Variants in OSBPL2 observed in about 807,000 individuals in gnomAD.
OSBPL2 encodes the protein oxysterol-binding protein-related protein 2.
OSBPL2 carries 18 observed loss-of-function variants against 58.4 expected under a neutral mutation model. That is an observed-to-expected ratio of 0.31 (90% CI 0.21 to 0.46). OSBPL2 has a LOEUF of 0.46. Among genes scored for constraint, OSBPL2 ranks in the 20% least tolerant of loss-of-function variants. The probability of loss-of-function intolerance (pLI) is 1.00; values close to 1 mark genes in which losing one functional copy is unlikely to be tolerated. For synonymous variants in OSBPL2, 221 were observed against 234.1 expected (o/e 0.94, Z 0.51); for missense variants, 461 against 616.5 (o/e 0.75, Z 2.67).
At chr20:62,239,679 G>GA (rs1424331663) in intron 1 of OSBPL2, among the ~76,000 whole-genome samples, 1 of 152,168 alleles carries the variant, frequency 6.6e-6, no homozygotes, top group African/African-American at 2.4e-5. Flanking sequence ...GTGTGGTGAG[G>GA]ACAGCGGAGA....
At chr20:62,272,089 G>A in intron 4 of OSBPL2, 36 bp from the exon 5 acceptor site, 1 of 1,611,692 alleles carries the variant, frequency 6.2e-7, no homozygotes. Context: ...TGTCAGGAAG[G>A]CAGCAGTAAC....
intron 7 of OSBPL2, among the ~76,000 whole-genome samples, chr20:62,280,856 T>C (rs1373894468): frequency 6.6e-6 from 1 of 152,256 alleles, no homozygotes; most frequent in Non-Finnish European, 1.5e-5. Context: ...GAAAGCTTTG[T>C]AGATGCTACA....
At chr20:62,244,583 C>T (rs532662367) in intron 1 of OSBPL2, among the ~76,000 whole-genome samples, 4 of 152,356 alleles carry the variant, frequency 2.6e-5, no homozygotes, top group African/African-American at 4.8e-5. Context: ...TGTACGGAAG[C>T]GCTTGCATTC....
chr20:62,283,101 A>G (rs1007126338), intron 9 of OSBPL2, among the ~76,000 whole-genome samples: 2 of 152,094 alleles, frequency 1.3e-5, no homozygotes, highest in African/African-American at 2.4e-5. Context: ...GCCGAGGCCA[A>G]CACTCGCTGA....
At chr20:62,277,482 T>C (rs1439692214) in intron 6 of OSBPL2, among the ~76,000 whole-genome samples, 1 of 152,232 alleles carries the variant, frequency 6.6e-6, no homozygotes, top group Non-Finnish European at 1.5e-5. Flanking sequence ...ATGAGTTCAC[T>C]TCCAGATCGT....
Position 62,291,708 on chromosome 20 carries a change from G to A in OSBPL2, c.1255G>A (p.Ala419Thr). The A allele has an allele frequency of 6.2e-7, 1 of 1,613,624 alleles. No homozygotes were observed. Among genetic ancestry groups the A allele is most frequent in the East Asian group, 2.2e-5 (1 of 44,880 alleles). Residue 419 changes from alanine (A) to threonine (T), a missense_variant, in exon 13 of 14, where the codon GCC becomes ACC. Physicochemically the swap from Ala to Thr is moderately conservative, Grantham distance 58. Coordinates refer to ENST00000313733, the MANE Select transcript of OSBPL2 (RefSeq NM_144498.4). ...RGMENGNMDLASQEKERLEEK... is the reference protein window; with the variant it reads ...RGMENGNMDLTSQEKERLEEK... ...ACTGTTTGCTTGGATCCTAGATCTG[G>A]CCAGCCAGGAGAAGGAGCGGCTGGA...
intron 3 of OSBPL2, among the ~76,000 whole-genome samples, chr20:62,262,128 T>G (rs1981356133): frequency 7.1e-6 from 1 of 141,008 alleles, no homozygotes; most frequent in South Asian, 2.5e-4. Context: ...TCAGGCAGGA[T>G]GACCACATGG....
At chr20:62,292,961 C>G (rs367649862) in intron 13 of OSBPL2, among the ~76,000 whole-genome samples, 1 of 151,764 alleles carries the variant, frequency 6.6e-6, no homozygotes, top group African/African-American at 2.4e-5. Context: ...TCCGCCCCTC[C>G]GGGTTCACAC....
chr20:62,272,533 G>C (rs1181296775), intron 5 of OSBPL2, among the ~76,000 whole-genome samples: 1 of 152,222 alleles, frequency 6.6e-6, no homozygotes, highest in East Asian at 1.9e-4. Context: ...AGCTGAAGGT[G>C]GCGGTGGGCT....
chr20:62,254,684 C>G (rs1407486589), intron 1 of OSBPL2, among the ~76,000 whole-genome samples: 5 of 152,266 alleles, frequency 3.3e-5, no homozygotes, highest in Non-Finnish European at 7.3e-5. Context: ...CCCTCACCCT[C>G]AGAACTGTGC....
Position 62,286,714 on chromosome 20 carries a change from C to G in OSBPL2, c.1125+3C>G. 1.9e-6 allele frequency: 3 copies of G among 1,609,306 alleles called. No individual in the cohort carries two copies. The highest frequency in any genetic ancestry group is 2.5e-6 in the Non-Finnish European group (3 of 1,176,830). ...CCCGGCCCCCCAACTCTGCCCAGGT[C>G]TGTGTCCCTCCATGGCCTGACGTCT... On this transcript the variant is annotated splice_donor_region_variant and intron_variant, in intron 11 of 13. Transcript: ENST00000313733.
At chr20:62,258,716 C>T (rs577059385) in intron 2 of OSBPL2, among the ~76,000 whole-genome samples, 66 of 152,258 alleles carry the variant, frequency 4.3e-4, no homozygotes, top group African/African-American at 1.4e-3. Flanking sequence ...GAGTCAGAGG[C>T]TGCAGTGGCT....
At position 62,272,246 on chromosome 20, in the gene OSBPL2, T is replaced by C. The variant is rs1982112755; in HGVS notation, c.380T>C (p.Leu127Pro). 5 of 1,612,856 alleles carry C rather than the reference T, an allele frequency of 3.1e-6. No individual in the cohort carries two copies. In the South Asian group the frequency reaches 4.4e-5, roughly 14 times the overall value. Reference sequence around the variant, plus strand: ...AGGGCCTCCTGCCAGCCCCAGCCCCTGGAGAGGATGCAGGTGGGCCTTAGG... The same window carrying C: ...AGGGCCTCCTGCCAGCCCCAGCCCCCGGAGAGGATGCAGGTGGGCCTTAGG... ...IHRASCQPQP[L>P]ERMQSVAAFA... is the part of the protein sequence containing the mutation. Residue 127 changes from leucine (L) to proline (P), a missense_variant, in exon 5 of 14, where the codon CTG (leucine) becomes CCG (proline). Leu to Pro is a moderately conservative substitution (Grantham distance 98). Coordinates refer to ENST00000313733, the MANE Select transcript of OSBPL2 (RefSeq NM_144498.4).
intron 1 of OSBPL2, among the ~76,000 whole-genome samples, chr20:62,241,699 G>A (rs1017534116): frequency 2.6e-5 from 4 of 152,250 alleles, no homozygotes; most frequent in African/African-American, 7.2e-5. Context: ...GGATTACTAT[G>A]TGGAATCTGT....
chr20:62,251,683 C>T (rs1416232123), intron 1 of OSBPL2, among the ~76,000 whole-genome samples: 2 of 151,902 alleles, frequency 1.3e-5, no homozygotes, highest in African/African-American at 2.4e-5. Context: ...GCTGGGATTA[C>T]AGGCATGAGC....
chr20:62,243,501 G>C (rs908376777), intron 1 of OSBPL2, among the ~76,000 whole-genome samples: 1 of 152,122 alleles, frequency 6.6e-6, no homozygotes. Context: ...CAGTGGCTCG[G>C]CTGTCAGGGT....
intron 6 of OSBPL2, among the ~76,000 whole-genome samples, chr20:62,277,770 T>G (rs553624891): frequency 9.0e-4 from 137 of 152,352 alleles, no homozygotes; most frequent in Non-Finnish European, 1.7e-3. Flanking sequence ...GTGGTTTAGC[T>G]TTTCTAATTT....
rs943714913 is a variant in OSBPL2, at chr20:62,260,588, A to G, written c.182+463A>G. Among the ~76,000 whole-genome samples the G allele has an allele frequency of 4.6e-5, 7 of 152,294 alleles. No homozygotes were observed. The East Asian group carries it at 1.4e-3, about 29-fold the overall frequency. The stretch of plus-strand genomic sequence containing the variant: ...GTTCAGCTCTGACCCCTACAGGACA[A>G]GAAGCGTTTAATTTCCTTGTTGTAG... On this transcript the variant is annotated intron_variant, in intron 3 of 13. Coordinates refer to ENST00000313733, the MANE Select transcript of OSBPL2 (RefSeq NM_144498.4).
chr20:62,260,791 C>T (rs1054877784), intron 3 of OSBPL2, among the ~76,000 whole-genome samples: 1 of 151,168 alleles, frequency 6.6e-6, no homozygotes, highest in Admixed American at 6.6e-5. Flanking sequence ...AGTTGGAGAC[C>T]AGCCTGGGCA....
Sources: allele counts gnomAD v4.1 joint callset (sites outside exome capture counted in the v4.1 genomes callset), GRCh38; gene constraint gnomAD v4.1.1; transcripts MANE v1.5; gene names NCBI Gene and HGNC (gene_info 2026-07-23, HGNC 2026-07-21).